NALCN: variants seen among roughly 807,000 people sequenced by gnomAD.
The protein encoded by NALCN is sodium leak channel, non-selective.
NALCN carries 111 observed loss-of-function variants against 225.3 expected under a neutral mutation model. The observed-to-expected ratio is 0.49, with a 90% CI of 0.42 to 0.58. The LOEUF is 0.58. Ranked by LOEUF, NALCN falls within the 20% of genes least tolerant of loss-of-function variation. NALCN has a pLI of 0.00. For synonymous variants in NALCN, 764 were observed against 769.0 expected, an observed-to-expected ratio of 0.99 and a Z score of 0.11; for missense variants, 1,378 against 2,202.4, an observed-to-expected ratio of 0.63 and a Z score of 7.49.
chr13:101,105,053 C>T (rs1202577839), intron 22 of NALCN, 103 bp from the exon 23 acceptor site: 7 of 965,368 alleles, frequency 7.3e-6, no homozygotes, highest in Non-Finnish European at 1.1e-5. Flanking sequence ...ATCTCTTTTA[C>T]AGCCTCTCTA....
chr13:101,305,869 G>A lies in NALCN; in HGVS notation c.800-13503C>T, dbSNP rs185904799. 3.9e-5 allele frequency among the ~76,000 whole-genome samples: 6 copies of A among 152,356 alleles called. No individual in the cohort carries two copies. The East Asian group carries it at 1.2e-3, about 29-fold the overall frequency. On this transcript the variant is annotated intron_variant, in intron 7 of 43. Coordinates refer to ENST00000251127, the MANE Select transcript of NALCN (RefSeq NM_052867.4). Reference sequence around the variant, plus strand: ...CTAGGGCCTGGGCCAGTGCCTGGCAGATGAAACACAGGTATGTTAATCTGG... The same window carrying A: ...CTAGGGCCTGGGCCAGTGCCTGGCAAATGAAACACAGGTATGTTAATCTGG...
chr13:101,191,895 GAA>G lies in NALCN; in HGVS notation c.1764+20_1764+21del. ...CCATTATAAATTCCAAGATATAATT[GAA>G]AAAAAAATGCTGAACTCACCAGAGT... On this transcript the variant is annotated intron_variant, in intron 14 of 43. Transcript: ENST00000251127. 6.4e-7 allele frequency: 1 copy of G among 1,568,380 alleles called. No individual in the cohort carries two copies. Among genetic ancestry groups the G allele is most frequent in the Non-Finnish European group, 8.6e-7 (1 of 1,158,492 alleles).
In NALCN at chr13:101,110,603, AT is replaced by A. The variant is rs781121378; in HGVS notation, c.2364+15del. 1.2e-6 allele frequency: 2 copies of A among 1,613,666 alleles called. No homozygotes were observed. The highest frequency in any genetic ancestry group is 1.7e-6 in the Non-Finnish European group (2 of 1,179,722). On this transcript the variant is annotated intron_variant, in intron 20 of 43. Transcript: ENST00000251127. ...TAATCACGTTTCTGAAATCCAAAGC[AT>A]TGCTTAAAACTTACATCTTGAGTCA... is the stretch of plus-strand genomic sequence containing the variant.
intron 17 of NALCN, 102 bp from the exon 18 acceptor site, chr13:101,124,783 A>G (rs1400307954): frequency 1.1e-5 from 11 of 977,624 alleles, no homozygotes; most frequent in Admixed American, 2.0e-5. Flanking sequence ...AAACATGAAT[A>G]TGTTTCGCTA....
chr13:101,242,008 G>A (rs144113964), intron 11 of NALCN, among the ~76,000 whole-genome samples: 1,278 of 105,592 alleles, frequency 0.012, 405 homozygotes, highest in African/African-American at 0.041. Flanking sequence ...TTTAATTTTT[G>A]GCCTCAAGAA....
At chr13:101,060,886 C>T (rs1007426487) in intron 41 of NALCN, among the ~76,000 whole-genome samples, 3 of 152,204 alleles carry the variant, frequency 2.0e-5, no homozygotes, top group African/African-American at 7.2e-5. Flanking sequence ...CAGTGGCCAG[C>T]AGTGATGGGA....
At chr13:101,201,805 T>C (rs1201107773) in intron 13 of NALCN, among the ~76,000 whole-genome samples, 2 of 152,190 alleles carry the variant, frequency 1.3e-5, no homozygotes, top group African/African-American at 4.8e-5. Flanking sequence ...GTATCAACTT[T>C]TTAAATCTTT....
At chr13:101,239,115 A>C (rs1014414642) in intron 11 of NALCN, among the ~76,000 whole-genome samples, 3 of 151,994 alleles carry the variant, frequency 2.0e-5, no homozygotes, top group Non-Finnish European at 4.4e-5. Flanking sequence ...CAGGTATTTC[A>C]TGTTAATGTC....
chr13:101,306,832 T>C (rs2044168657), intron 7 of NALCN, among the ~76,000 whole-genome samples: 1 of 152,190 alleles, frequency 6.6e-6, no homozygotes, highest in Non-Finnish European at 1.5e-5. Flanking sequence ...CTGCCCTCCA[T>C]GCAAGCTTAA....
intron 35 of NALCN, 30 bp from the exon 36 acceptor site, chr13:101,074,692 CAGAGAG>C (rs34229756): frequency 1.5e-4 from 220 of 1,443,708 alleles, no homozygotes; most frequent in South Asian, 4.7e-4. Context: ...AGCGGGGAGA[CAGAGAG>C]AGAGAGAGAG....
At chr13:101,261,011 T>C (rs909816456) in intron 10 of NALCN, among the ~76,000 whole-genome samples, 5 of 152,220 alleles carry the variant, frequency 3.3e-5, no homozygotes, top group African/African-American at 7.2e-5. Flanking sequence ...TTTGAGGTCA[T>C]AGCTTTAAGT....
At chr13:101,363,125 A>T (rs1232113905) in intron 6 of NALCN, among the ~76,000 whole-genome samples, 7 of 152,124 alleles carry the variant, frequency 4.6e-5, no homozygotes. Flanking sequence ...GATGCTCATG[A>T]ATTGGAAGAA....
At chr13:101,162,731 T>C (rs1271543879) in intron 15 of NALCN, among the ~76,000 whole-genome samples, 4 of 152,214 alleles carry the variant, frequency 2.6e-5, no homozygotes, top group Non-Finnish European at 4.4e-5. Flanking sequence ...CTTGCTGTTT[T>C]CAATGGTACA....
intron 1 of NALCN, among the ~76,000 whole-genome samples, chr13:101,412,081 C>T (rs768937662): frequency 1.3e-5 from 2 of 152,114 alleles, no homozygotes; most frequent in African/African-American, 2.4e-5. Context: ...GTTTTCAAAT[C>T]CAAAGTTTTT....
chr13:101,342,260 G>A (rs996453333), intron 7 of NALCN, among the ~76,000 whole-genome samples: 1 of 152,122 alleles, frequency 6.6e-6, no homozygotes, highest in Non-Finnish European at 1.5e-5. Flanking sequence ...TCACTCTAAG[G>A]TTGTGATTTA....
intron 15 of NALCN, among the ~76,000 whole-genome samples, chr13:101,153,222 T>G (rs932538135): frequency 5.9e-5 from 9 of 152,328 alleles, no homozygotes; most frequent in Non-Finnish European, 1.2e-4. Context: ...TTCATATAAA[T>G]GCCAGACGTG....
intron 7 of NALCN, among the ~76,000 whole-genome samples, chr13:101,324,629 T>A (rs889266474): frequency 5.3e-5 from 8 of 152,200 alleles, no homozygotes; most frequent in Non-Finnish European, 1.2e-4. Flanking sequence ...TGATTTTGTA[T>A]CCTGAGACTT....
intron 28 of NALCN, among the ~76,000 whole-genome samples, chr13:101,090,546 G>A (rs1594182832): frequency 1.3e-5 from 2 of 152,172 alleles, no homozygotes; most frequent in South Asian, 4.2e-4. Flanking sequence ...GACGGCAAGA[G>A]GTGTTTGCTT....
At chr13:101,383,406 G>GA (rs574510299) in intron 3 of NALCN, among the ~76,000 whole-genome samples, 64 of 144,124 alleles carry the variant, frequency 4.4e-4, no homozygotes, top group South Asian at 2.2e-3. Flanking sequence ...AGTTACATTA[G>GA]AAAAAAAAAA....
Sources: allele counts gnomAD v4.1 joint callset (sites outside exome capture counted in the v4.1 genomes callset), GRCh38; gene constraint gnomAD v4.1.1; transcripts MANE v1.5; gene names NCBI Gene and HGNC (gene_info 2026-07-23, HGNC 2026-07-21).